TTC39C: variants seen among roughly 807,000 people sequenced by gnomAD.
TTC39C encodes the protein tetratricopeptide repeat domain 39C.
TTC39C carries 33 observed loss-of-function variants against 76.3 expected under a neutral mutation model. The observed-to-expected ratio is 0.43, with a 90% CI of 0.33 to 0.58. The LOEUF is 0.58. Ranked by LOEUF, TTC39C falls within the 20% of genes least tolerant of loss-of-function variation. TTC39C has a pLI of 0.04. For missense variants in TTC39C, 595 were observed against 701.4 expected (o/e 0.85, Z 1.71); for synonymous variants, 254 against 260.6 (o/e 0.97, Z 0.24).
At chr18:24,053,810 T>C (rs1599278256) in intron 1 of TTC39C, among the ~76,000 whole-genome samples, 2 of 152,352 alleles carry the variant, frequency 1.3e-5, no homozygotes, top group East Asian at 1.9e-4. Context: ...TTTTACGTGT[T>C]CAAAGCACAT....
intron 1 of TTC39C, among the ~76,000 whole-genome samples, chr18:24,024,011 TATATA>T (rs2083564173): frequency 7.7e-4 from 19 of 24,742 alleles, no homozygotes; most frequent in African/African-American, 3.2e-3. Flanking sequence ...TATATATATA[TATATA>T]TTTTTTTTTT....
chr18:24,067,063 G>A (rs956396470), intron 3 of TTC39C, among the ~76,000 whole-genome samples: 1 of 152,222 alleles, frequency 6.6e-6, no homozygotes, highest in African/African-American at 2.4e-5. Flanking sequence ...TGTGTCTGCT[G>A]TGTATACTGT....
At chr18:24,058,315 A>T (rs1186018336) in intron 1 of TTC39C, among the ~76,000 whole-genome samples, 1 of 152,142 alleles carries the variant, frequency 6.6e-6, no homozygotes, top group Non-Finnish European at 1.5e-5. Context: ...ACCTAAAATT[A>T]AAAAAATTAA....
intron 1 of TTC39C, among the ~76,000 whole-genome samples, chr18:24,024,457 G>C (rs1031232512): frequency 1.3e-5 from 2 of 152,132 alleles, no homozygotes; most frequent in African/African-American, 4.8e-5. Flanking sequence ...GAAAAGAGCA[G>C]GTATGCTTTA....
intron 7 of TTC39C, 50 bp from the exon 8 acceptor site, chr18:24,118,075 C>T: frequency 1.3e-6 from 2 of 1,488,024 alleles, no homozygotes; most frequent in East Asian, 4.7e-5. Context: ...AAATATGGGT[C>T]ATAGAGCTCA....
At chr18:24,028,857 G>C (rs780609824) in intron 1 of TTC39C, among the ~76,000 whole-genome samples, 1 of 151,504 alleles carries the variant, frequency 6.6e-6, no homozygotes, top group African/African-American at 2.4e-5. Flanking sequence ...TGAGTAGCTG[G>C]GACTACAGGC....
At chr18:24,011,089 C>G (rs1453139681), upstream of TTC39C, among the ~76,000 whole-genome samples, 1 of 152,180 alleles carries the variant, frequency 6.6e-6, no homozygotes, top group Non-Finnish European at 1.5e-5. Context: ...AAAACATGTT[C>G]AGGAAGACAA....
intron 1 of TTC39C, among the ~76,000 whole-genome samples, chr18:24,052,370 C>T (rs752304222): frequency 6.6e-6 from 1 of 152,094 alleles, no homozygotes; most frequent in Non-Finnish European, 1.5e-5. Flanking sequence ...CGGCTGTGTA[C>T]TTGGTGTTCA....
At chr18:24,116,620 A>G (rs2084894923) in intron 7 of TTC39C, among the ~76,000 whole-genome samples, 1 of 152,072 alleles carries the variant, frequency 6.6e-6, no homozygotes, top group African/African-American at 2.4e-5. Flanking sequence ...GAATTTTCTG[A>G]AGTGTATATC....
At chr18:24,096,353 A>G (rs889121259) in intron 6 of TTC39C, among the ~76,000 whole-genome samples, 7 of 152,208 alleles carry the variant, frequency 4.6e-5, no homozygotes, top group African/African-American at 1.4e-4. Flanking sequence ...GAAGTTAATT[A>G]TATTTTCTGT....
chr18:24,011,079 A>G (rs566917308), upstream of TTC39C, among the ~76,000 whole-genome samples: 2 of 152,320 alleles, frequency 1.3e-5, no homozygotes, highest in South Asian at 4.1e-4. Context: ...CCAAAAATTC[A>G]AAACATGTTC....
chr18:24,122,198 A>G (rs2084976332), intron 8 of TTC39C, among the ~76,000 whole-genome samples: 1 of 151,972 alleles, frequency 6.6e-6, no homozygotes, highest in Non-Finnish European at 1.5e-5. Context: ...TACGGGACCA[A>G]CCTACTTTTA....
Position 24,128,951 on chromosome 18 carries a change from A to C in TTC39C, c.1486A>C (p.Lys496Gln). The change falls in exon 11 of 14, where the codon AAA (lysine) becomes CAA (glutamine). Residue 496 changes from lysine (K) to glutamine (Q), a missense_variant. By Grantham distance (53) the Lys-to-Gln change is moderately conservative (BLOSUM62 1). Coordinates refer to ENST00000317571, the MANE Select transcript of TTC39C (RefSeq NM_001135993.2). The part of the protein sequence containing the change: ...LKYLLLGAIH[K>Q]CLGNSEDAVQ... Reference sequence around the variant, plus strand: ...GTATTTGCTTCTTGGTGCCATACACAAATGTCTAGGAAACTCAGAAGATGC... The same window carrying C: ...GTATTTGCTTCTTGGTGCCATACACCAATGTCTAGGAAACTCAGAAGATGC... 1.2e-6 allele frequency: 2 copies of C among 1,613,692 alleles called. No individual in the cohort carries two copies. The highest frequency in any genetic ancestry group is 1.7e-6 in the Non-Finnish European group (2 of 1,179,820).
At chr18:24,023,968 A>ATCTATATCTATATCTATATC in intron 1 of TTC39C, among the ~76,000 whole-genome samples, 1 of 31,250 alleles carries the variant, frequency 3.2e-5, no homozygotes, top group Admixed American at 4.2e-4. Flanking sequence ...ATATATATAT[A>ATCTATATCTATATCTATATC]TATATATATA....
chr18:24,132,696 A>AT lies in TTC39C; in HGVS notation c.*126dup, dbSNP rs1292500439. On this transcript the variant is annotated 3_prime_UTR_variant, in exon 14 of 14. Coordinates refer to ENST00000317571, the MANE Select transcript of TTC39C (RefSeq NM_001135993.2). ...TGAAAACCACCTGTGCCAGGGACACATTTTCCCAGTTAAGCTGACATATTA... is the reference window on the plus strand; with the variant it reads ...TGAAAACCACCTGTGCCAGGGACACATTTTTCCCAGTTAAGCTGACATATTA... The AT allele has an allele frequency of 5.9e-6, 4 of 681,716 alleles. No homozygotes were observed. Among genetic ancestry groups the AT allele is most frequent in the South Asian group, 2.2e-5 (1 of 45,820 alleles). The allele number at this position is 681,716 out of a possible 1,614,324, so 42.2% of individuals were successfully genotyped here.
At chr18:24,044,688 C>T (rs934016523) in intron 1 of TTC39C, among the ~76,000 whole-genome samples, 11 of 152,132 alleles carry the variant, frequency 7.2e-5, no homozygotes, top group African/African-American at 1.9e-4. Flanking sequence ...GAATGGAAAA[C>T]GAAGACGTAC....
intron 10 of TTC39C, among the ~76,000 whole-genome samples, chr18:24,128,188 TAATG>T (rs1273722893): frequency 7.2e-5 from 11 of 152,182 alleles, no homozygotes; most frequent in Non-Finnish European, 1.5e-5. Flanking sequence ...TGAATTAGTG[TAATG>T]AATGAATGAA....
Position 24,080,584 on chromosome 18 carries a change from GCT to G in TTC39C, c.461_462del (p.Ala154ValfsTer9). ...AATCTTTTCTCCCCTTCTCTTTTTAGCTTATATCAAAGGTGGGTGGATCCTTA... is the reference window on the plus strand; with the variant it reads ...AATCTTTTCTCCCCTTCTCTTTTTAGTATATCAAAGGTGGGTGGATCCTTA... ...VLSFVKQELS[A>X]YIKGGWILRK... On this transcript the variant is annotated frameshift_variant and splice_region_variant, in exon 5 of 14. Coordinates refer to ENST00000317571, the MANE Select transcript of TTC39C (RefSeq NM_001135993.2). LOFTEE classifies it high-confidence loss of function. The G allele has an allele frequency of 3.2e-6, 5 of 1,581,474 alleles. No individual in the cohort carries two copies. Among genetic ancestry groups the G allele is most frequent in the Non-Finnish European group, 4.3e-6 (5 of 1,165,494 alleles).
intron 1 of TTC39C, among the ~76,000 whole-genome samples, chr18:23,999,354 C>T (rs1279775392): frequency 6.6e-6 from 1 of 152,166 alleles, no homozygotes; most frequent in East Asian, 1.9e-4. Flanking sequence ...ACAGAAACCA[C>T]ACCTGTCACA....
Sources: allele counts gnomAD v4.1 joint callset (sites outside exome capture counted in the v4.1 genomes callset), GRCh38; gene constraint gnomAD v4.1.1; transcripts MANE v1.5; gene names NCBI Gene and HGNC (gene_info 2026-07-23, HGNC 2026-07-21).